SF3B1: variants seen among roughly 807,000 people sequenced by gnomAD.
SF3B1 encodes the protein pre-mRNA processing 10.
Under a neutral mutation model 153.8 loss-of-function variants are expected in SF3B1, and 12 were observed. The ratio of observed to expected loss-of-function variants is 0.08; its 90% CI spans 0.05 to 0.13. The LOEUF (loss-of-function observed/expected upper bound fraction) is 0.13. SF3B1 is among the 10% of genes least tolerant of loss of function. SF3B1 has a pLI of 1.00. For synonymous variants in SF3B1, 498 were observed against 525.2 expected, an observed-to-expected ratio of 0.95 and a Z score of 0.71; for missense variants, 513 against 1,606.1, an observed-to-expected ratio of 0.32 and a Z score of 11.63.
intron 1 of SF3B1, among the ~76,000 whole-genome samples, chr2:197,430,974 C>G (rs2085422149): frequency 6.6e-6 from 1 of 152,164 alleles, no homozygotes. Flanking sequence ...TTTTAAAACT[C>G]AGACCTACAT....
In SF3B1 at chr2:197,392,210, C is replaced by G. The variant is rs538479854; in HGVS notation, c.*93G>C. 4.7e-6 allele frequency: 3 copies of G among 635,212 alleles called. No individual in the cohort carries two copies. In the South Asian group the frequency reaches 6.0e-5, roughly 13 times the overall value. The allele number at this position is 635,212 out of a possible 1,614,324, so 39.3% of individuals were successfully genotyped here. On this transcript the variant is annotated 3_prime_UTR_variant, in exon 25 of 25. Transcript: ENST00000335508. ...CTCTTCCTCTATGACCAGTTCTACA[C>G]TGATCTGCAATGTTTAAAAGTTTAC...
chr2:197,395,878 T>C (rs1195247072), intron 23 of SF3B1, among the ~76,000 whole-genome samples, 178 bp downstream of exon 23: 3 of 152,248 alleles, frequency 2.0e-5, no homozygotes, highest in Non-Finnish European at 4.4e-5. Context: ...GGGGAATCAC[T>C]ACAGCGTGCA....
chr2:197,401,115 A>G lies in SF3B1; in HGVS notation c.2497-179T>C, dbSNP rs919432862. Among the ~76,000 whole-genome samples, 1 of 152,246 alleles carries G rather than the reference A, an allele frequency of 6.6e-6. No homozygotes were observed. Among genetic ancestry groups the G allele is most frequent in the Non-Finnish European group, 1.5e-5 (1 of 68,040 alleles). ...AGTGACCAAACATCGAAAAATGAGT[A>G]TAAGTTAACATGATTCAAGGTAAAA... On this transcript the variant is annotated intron_variant, in intron 17 of 24. Coordinates refer to ENST00000335508, the MANE Select transcript of SF3B1 (RefSeq NM_012433.4). The surrounding 1 kb of genome is among the most constrained non-coding windows in gnomAD (Gnocchi z 4.2).
chr2:197,405,177 C>T lies in SF3B1; in HGVS notation c.1438G>A (p.Val480Ile). ...CTAAGTGTTGATTCATCAACATCAA[C>T]CTATAGTAAAAAGAAAAAAATGTTA... ...DDIQYFDKLL[V>I]DVDESTLSPE... Residue 480 changes from valine to isoleucine, a missense_variant and splice_region_variant, in exon 11 of 25, where the codon GTT becomes ATT. By Grantham distance (29) the Val-to-Ile change is conservative. Around this residue, in one of 21 missense-constraint regions of SF3B1, gnomAD observed 34 missense variants for 190.8 expected, o/e 0.18. Transcript: ENST00000335508. 1 of 1,606,580 alleles carries T rather than the reference C, an allele frequency of 6.2e-7. No homozygotes were observed. The highest frequency in any genetic ancestry group is 8.5e-7 in the Non-Finnish European group (1 of 1,175,334).
chr2:197,413,900 G>A (rs533099174), intron 6 of SF3B1, among the ~76,000 whole-genome samples: 2 of 151,872 alleles, frequency 1.3e-5, no homozygotes, highest in South Asian at 4.2e-4. Context: ...TCCACCTCCC[G>A]GGTTCAAGTG....
At chr2:197,420,729 T>A (rs1478762284) in intron 3 of SF3B1, among the ~76,000 whole-genome samples, 187 bp from the exon 4 acceptor site, 4 of 152,130 alleles carry the variant, frequency 2.6e-5, no homozygotes, top group Admixed American at 6.6e-5. Context: ...AATATACATA[T>A]CCACATTTCC....
rs144624244 is a variant in SF3B1, at chr2:197,411,289, T to C, written c.667-1282A>G. The stretch of plus-strand genomic sequence containing the variant: ...AGTATCATATCAAAGTAGCATAGAG[T>C]TGAGTGTAAAGAAAACAAAATTTGT... On this transcript the variant is annotated intron_variant, in intron 6 of 24. Transcript: ENST00000335508. Among the ~76,000 whole-genome samples the C allele has an allele frequency of 5.4e-3, 821 of 152,068 alleles. 6 individuals are homozygous for C. Among genetic ancestry groups the C allele is most frequent in the African/African-American group, 0.018 (752 of 41,454 alleles).
chr2:197,398,565 A>G lies in SF3B1; in HGVS notation c.3030T>C (p.Thr1010=). 6.2e-7 allele frequency: 1 copy of G among 1,613,294 alleles called. No homozygotes were observed. Among genetic ancestry groups the G allele is most frequent in the Non-Finnish European group, 8.5e-7 (1 of 1,179,462 alleles). ...TAGGCAGCAGATCTTTAATTGGTGG[A>G]GTCATCTTATGCATACCTATTTAAT... ...IVNVIGMHKM[T]PPIKDLLPRL... Residue 1010 remains threonine (T), a synonymous_variant, in exon 21 of 25, where the codon ACT becomes ACC. Coordinates refer to ENST00000335508, the MANE Select transcript of SF3B1 (RefSeq NM_012433.4).
rs1361864141 is a variant in SF3B1, at chr2:197,435,022, C to G, written c.-23G>C. ...CATTTTGTCCACTCGAACACACAGA[C>G]GGAACTGGCGCTCCCAAGAACTTCC... is the stretch of plus-strand genomic sequence containing the variant. On this transcript the variant is annotated 5_prime_UTR_variant, in exon 1 of 25. Coordinates refer to ENST00000335508, the MANE Select transcript of SF3B1 (RefSeq NM_012433.4). 6.2e-7 allele frequency: 1 copy of G among 1,614,250 alleles called. No homozygotes were observed. The highest frequency in any genetic ancestry group is 2.2e-5 in the East Asian group (1 of 44,892).
intron 11 of SF3B1, among the ~76,000 whole-genome samples, chr2:197,404,270 G>A (rs1237351998): frequency 2.6e-5 from 4 of 152,014 alleles, no homozygotes; most frequent in Admixed American, 6.6e-5. Flanking sequence ...TTGAGCCCAG[G>A]AGTATTTAAA....
chr2:197,419,016 T>G, intron 4 of SF3B1: 1 of 1,268,358 alleles, frequency 7.9e-7, no homozygotes, highest in South Asian at 1.3e-5. Context: ...AAACATTACC[T>G]GTTGCAAGCT....
intron 6 of SF3B1, among the ~76,000 whole-genome samples, chr2:197,410,571 T>A (rs2085053816): frequency 6.9e-6 from 1 of 145,638 alleles, no homozygotes; most frequent in African/African-American, 2.6e-5. Flanking sequence ...CGGGGCATGA[T>A]CTTGGCTCAC....
intron 23 of SF3B1, 53 bp from the exon 24 acceptor site, chr2:197,393,241 G>T: frequency 8.6e-7 from 1 of 1,161,610 alleles, no homozygotes; most frequent in Non-Finnish European, 1.3e-6. Context: ...AAGAAAGGGG[G>T]AAAAATCCTT....
rs1574520313 is a variant in SF3B1 at position 197,391,964 on chromosome 2, C to A, written c.*339G>T. The stretch of plus-strand genomic sequence containing the variant: ...CATTTTACAAGTCATGTTCAAAAAA[C>A]ACACACAAATTAGCATTTTGTACAC... On this transcript the variant is annotated 3_prime_UTR_variant, in exon 25 of 25. Transcript: ENST00000335508. 1 of 206,344 alleles carries A rather than the reference C, an allele frequency of 4.8e-6. No homozygotes were observed. Among genetic ancestry groups the A allele is most frequent in the East Asian group, 7.7e-5 (1 of 13,060 alleles). 12.8% of individuals were successfully genotyped at this position (206,344 alleles called of 1,614,324 possible).
chr2:197,430,204 A>C (rs1171613802), intron 1 of SF3B1, among the ~76,000 whole-genome samples: 1 of 152,214 alleles, frequency 6.6e-6, no homozygotes, highest in African/African-American at 2.4e-5. Flanking sequence ...GAATGGGTAA[A>C]ACAGAACAGT....
At chr2:197,410,835 CAT>C (rs1258714848) in intron 6 of SF3B1, among the ~76,000 whole-genome samples, 7 of 152,130 alleles carry the variant, frequency 4.6e-5, no homozygotes, top group African/African-American at 7.2e-5. Context: ...GATACCGTCA[CAT>C]GATTTCAATC....
chr2:197,429,084 T>C (rs1466063017), intron 1 of SF3B1, among the ~76,000 whole-genome samples: 1 of 152,152 alleles, frequency 6.6e-6, no homozygotes. Context: ...ACGTCTATGC[T>C]AATAATCTCT....
intron 5 of SF3B1, among the ~76,000 whole-genome samples, chr2:197,417,871 A>AC (rs1369084451): frequency 6.6e-6 from 1 of 152,240 alleles, no homozygotes; most frequent in Non-Finnish European, 1.5e-5. Flanking sequence ...ACAGAATCTC[A>AC]CACTGAACTC....
chr2:197,434,068 C>G (rs2085483712), intron 1 of SF3B1, among the ~76,000 whole-genome samples: 1 of 152,188 alleles, frequency 6.6e-6, no homozygotes, highest in African/African-American at 2.4e-5. Flanking sequence ...CTCTCACAGA[C>G]TAATACCGAG....
Sources: gnomAD v4.1 joint callset for allele counts (sites outside exome capture counted in the v4.1 genomes callset) on GRCh38, gnomAD v4.1.1 for gene constraint, gnomAD v4.1.1 regional missense constraint, Gnocchi (gnomAD v3.1) non-coding constraint, MANE v1.5 for transcripts, NCBI Gene and HGNC (gene_info 2026-07-23, HGNC 2026-07-21) for gene names.